Variants in GIT2 observed in about 807,000 individuals in gnomAD.
GIT2 encodes the protein GIT ArfGAP 2, also known as ARF GTPase-activating protein GIT2.
A neutral mutation model predicts 100.3 loss-of-function variants in GIT2; 32 were observed. That is an observed-to-expected ratio of 0.32 (90% confidence interval 0.24 to 0.43). The LOEUF (loss-of-function observed/expected upper bound fraction) is 0.43. GIT2 is among the 20% of genes least tolerant of loss of function. GIT2 has a pLI of 1.00. For missense variants in GIT2, 737 were observed against 975.1 expected (o/e 0.76, Z 3.25); for synonymous variants, 353 against 364.1 (o/e 0.97, Z 0.35).
intron 9 of GIT2, among the ~76,000 whole-genome samples, chr12:109,965,009 G>A (rs73419566): frequency 4.6e-5 from 7 of 152,126 alleles, no homozygotes; most frequent in African/African-American, 1.7e-4. Context: ...CTCTGAGCAC[G>A]CACATGGGCC....
Position 109,983,512 on chromosome 12 carries a change from C to T in GIT2, c.493-9G>A. On this transcript the variant is annotated splice_polypyrimidine_tract_variant and intron_variant, in intron 5 of 19. Transcript: ENST00000355312. ...GGGGTGTTTCCTTTTTCCTAAGAAT[C>T]ATTAATAAAAAGTAGGCAAAAGAGC... The T allele has an allele frequency of 6.2e-7, 1 of 1,612,900 alleles. No homozygotes were observed. The highest frequency in any genetic ancestry group is 8.5e-7 in the Non-Finnish European group (1 of 1,179,164).
chr12:109,983,488 G>A lies in GIT2; in HGVS notation c.508C>T (p.Pro170Ser). ...NFFHPEKGNT[P>S]LHVASKAGQI... ...CCTGCTTTGGAGGCAACATGGAGTG[G>A]GGTGTTTCCTTTTTCCTAAGAATCA... The change falls in exon 6 of 20, where the codon CCA (proline) becomes TCA (serine). Residue 170 changes from proline to serine, a missense_variant. By Grantham distance (74) the Pro-to-Ser change is moderately conservative. This residue lies in a region of GIT2 where 266 missense variants were observed against 376.2 expected (regional missense o/e 0.71). Transcript: ENST00000355312. 1 of 1,613,632 alleles carries A rather than the reference G, an allele frequency of 6.2e-7. No homozygotes were observed. The highest frequency in any genetic ancestry group is 1.3e-5 in the African/African-American group (1 of 74,998).
At chr12:109,984,039 A>C (rs370445373) in intron 4 of GIT2, among the ~76,000 whole-genome samples, 1 of 152,184 alleles carries the variant, frequency 6.6e-6, no homozygotes, top group African/African-American at 2.4e-5. Context: ...CCTGAATTTC[A>C]AACTATACCC....
At chr12:109,939,139 CT>C in intron 17 of GIT2, 25 bp downstream of exon 17, 1 of 1,494,304 alleles carries the variant, frequency 6.7e-7, no homozygotes, top group Non-Finnish European at 9.3e-7. Context: ...AGCCCCTCCC[CT>C]GGCACGCTCG....
At chr12:109,992,819 G>A (rs1888670507) in intron 1 of GIT2, among the ~76,000 whole-genome samples, 1 of 152,010 alleles carries the variant, frequency 6.6e-6, no homozygotes, top group East Asian at 1.9e-4. Flanking sequence ...TTACATGTGT[G>A]TGCCACCAGC....
Position 109,996,317 on chromosome 12 carries a change from C to A in GIT2, c.-93G>T. 8 of 870,616 alleles carry A rather than the reference C, an allele frequency of 9.2e-6. No homozygotes were observed. Among genetic ancestry groups the A allele is most frequent in the South Asian group, 5.1e-5 (3 of 59,002 alleles). The allele number at this position is 870,616 out of a possible 1,614,324, so 53.9% of individuals were successfully genotyped here. The stretch of plus-strand genomic sequence containing the variant: ...CTTCCGCTCTAACGGGTCCCAGCTG[C>A]GGCGGCGCTGACGGCGGCGCCTCTC... On this transcript the variant is annotated 5_prime_UTR_variant, in exon 1 of 20. Transcript: ENST00000355312.
At chr12:109,988,418 T>A (rs1258750189) in intron 4 of GIT2, among the ~76,000 whole-genome samples, 1 of 152,040 alleles carries the variant, frequency 6.6e-6, no homozygotes, top group East Asian at 1.9e-4. Flanking sequence ...GTAATGCGCC[T>A]GTAGTTCCAG....
At chr12:109,937,374 AGGCG>A (rs1873343339) in intron 18 of GIT2, among the ~76,000 whole-genome samples, 1 of 152,208 alleles carries the variant, frequency 6.6e-6, no homozygotes. Context: ...TGCTCGTGCA[AGGCG>A]TGAAGAAAGT....
Position 109,961,644 on chromosome 12 carries a change from G to A in GIT2, c.858C>T (p.Tyr286=), listed in dbSNP as rs112673836. The part of the protein sequence containing the change: ...HLFEELAMDV[Y]DEVDRRETDA... Reference sequence around the variant, plus strand: ...CCGTCTCTCGCCTGTCAACTTCATCGTACACATCCATGGCAAGTTCTTCAA... The same window carrying A: ...CCGTCTCTCGCCTGTCAACTTCATCATACACATCCATGGCAAGTTCTTCAA... The change falls in exon 10 of 20, where the codon TAC becomes TAT. Residue 286 remains tyrosine (Y), a synonymous_variant. Transcript: ENST00000355312. 68 of 1,607,084 alleles carry A rather than the reference G, an allele frequency of 4.2e-5. No individual in the cohort carries two copies. The highest frequency in any genetic ancestry group is 1.3e-4 in the Admixed American group (8 of 59,998).
In GIT2 at chr12:109,933,836, G is replaced by A; in HGVS notation, c.2067+186C>T. Reference sequence around the variant, plus strand: ...GGCTGGCCTCGAACTCCCGACCTCAGGTGATCTGCCTGTCTCGGCCTCCCA... The same window carrying A: ...GGCTGGCCTCGAACTCCCGACCTCAAGTGATCTGCCTGTCTCGGCCTCCCA... On this transcript the variant is annotated intron_variant, in intron 19 of 19. Coordinates refer to ENST00000355312, the MANE Select transcript of GIT2 (RefSeq NM_057169.5). The surrounding 1 kb of genome is among the most constrained non-coding windows in gnomAD (Gnocchi z 4.5). 1 of 571,640 alleles carries A rather than the reference G, an allele frequency of 1.7e-6. No individual in the cohort carries two copies. The highest frequency in any genetic ancestry group is 4.5e-4 in the Middle Eastern group (1 of 2,242). 35.4% of individuals were successfully genotyped at this position (571,640 alleles called of 1,614,324 possible). A position where few individuals can be genotyped will look rare whatever the true frequency, so the allele number is the denominator to read the frequency against.
Position 109,961,656 on chromosome 12 carries a change from G to T in GIT2, c.846C>A (p.Ala282=). ...TGTCAACTTCATCGTACACATCCATGGCAAGTTCTTCAAACAAATGATTAC... is the reference window on the plus strand; with the variant it reads ...TGTCAACTTCATCGTACACATCCATTGCAAGTTCTTCAAACAAATGATTAC... ...SLSNHLFEEL[A]MDVYDEVDRR... is the part of the protein sequence containing the mutation. The change falls in exon 10 of 20, where the codon GCC becomes GCA. Residue 282 remains alanine (A), a synonymous_variant. Transcript: ENST00000355312. The T allele has an allele frequency of 6.2e-7, 1 of 1,605,332 alleles. No individual in the cohort carries two copies. The highest frequency in any genetic ancestry group is 8.5e-7 in the Non-Finnish European group (1 of 1,172,356).
rs1205017455 is a variant in GIT2 at position 109,959,947 on chromosome 12, C to T, written c.999G>A (p.Lys333=). 5 of 1,609,754 alleles carry T rather than the reference C, an allele frequency of 3.1e-6. No individual in the cohort carries two copies. The Admixed American group carries it at 6.7e-5, about 21-fold the overall frequency. ...ACTCATGGGCGTTGAACCGAGCTAA[C>T]TTCTGTCTGCCCTAAAGGTGGGAAA... is the stretch of plus-strand genomic sequence containing the variant. The part of the protein sequence containing the change: ...YSSTRNQGRQ[K]LARFNAHEFA... Residue 333 remains lysine (K), a synonymous_variant, in exon 12 of 20, where the codon AAG becomes AAA. Coordinates refer to ENST00000355312, the MANE Select transcript of GIT2 (RefSeq NM_057169.5).
rs1768288827 is a variant in GIT2 at position 109,932,766 on chromosome 12, T to G, written c.*212A>C. The G allele has an allele frequency of 3.8e-6, 2 of 529,866 alleles. No homozygotes were observed. The highest frequency in any genetic ancestry group is 6.8e-6 in the Non-Finnish European group (2 of 294,634). 32.8% of individuals were successfully genotyped at this position (529,866 alleles called of 1,614,324 possible). On this transcript the variant is annotated 3_prime_UTR_variant, in exon 20 of 20. Transcript: ENST00000355312. ...GACAACACAACCGAACATCAGAAAC[T>G]AAACCAGCAAATAGGCACAAAATAA...
intron 7 of GIT2, among the ~76,000 whole-genome samples, chr12:109,969,339 T>C (rs1883285225): frequency 6.6e-6 from 1 of 151,788 alleles, no homozygotes; most frequent in Non-Finnish European, 1.5e-5. Flanking sequence ...GGCTAACTTT[T>C]TGTATTTAGT....
At position 109,972,471 on chromosome 12, in the gene GIT2, A is replaced by AT. The variant is rs879434945; in HGVS notation, c.719-4969dup. 5.8e-3 allele frequency among the ~76,000 whole-genome samples: 836 copies of AT among 143,738 alleles called. 4 individuals carry two copies. The highest frequency in any genetic ancestry group is 0.015 in the African/African-American group (607 of 39,360). The allele number at this position is 143,738 out of a possible 152,430, so 94.3% of individuals were successfully genotyped here. A position where few individuals can be genotyped will look rare whatever the true frequency, so the allele number is the denominator to read the frequency against. The stretch of plus-strand genomic sequence containing the variant: ...TTAACTTGATAGATTACATTAACTG[A>AT]TTTTTTTTTTTTTTTGAGACACAGT... On this transcript the variant is annotated intron_variant, in intron 7 of 19. Coordinates refer to ENST00000355312, the MANE Select transcript of GIT2 (RefSeq NM_057169.5).
intron 7 of GIT2, among the ~76,000 whole-genome samples, chr12:109,973,923 T>A (rs888624778): frequency 1.3e-5 from 2 of 151,674 alleles, no homozygotes; most frequent in African/African-American, 4.8e-5. Context: ...ATGCCTATAA[T>A]CCCAGTTCCT....
chr12:109,934,404 C>A lies in GIT2; in HGVS notation c.2004-319G>T. On this transcript the variant is annotated intron_variant, in intron 18 of 19. Coordinates refer to ENST00000355312, the MANE Select transcript of GIT2 (RefSeq NM_057169.5). This position sits in a 1 kb window ranked among gnomAD's most constrained non-coding sequence, Gnocchi z 4.5. ...GTCATTTACTTCTCATGTGTTTCAT[C>A]GTCCCAATTTCTAGAAAGAGAAAGG... Among the ~76,000 whole-genome samples, 1 of 152,178 alleles carries A rather than the reference C, an allele frequency of 6.6e-6. No individual in the cohort carries two copies. The highest frequency in any genetic ancestry group is 1.5e-5 in the Non-Finnish European group (1 of 68,030).
rs927191192 is a variant in GIT2 at position 109,933,399 on chromosome 12, T to C, written c.2068-209A>G. On this transcript the variant is annotated intron_variant, in intron 19 of 19. Transcript: ENST00000355312. The surrounding 1 kb of genome is among the most constrained non-coding windows in gnomAD (Gnocchi z 4.5). ...AAATATTCTGATTCAAAGGTCAAAGTGCATGCAGGGTAATTTTAGTAGTAT... is the reference window on the plus strand; with the variant it reads ...AAATATTCTGATTCAAAGGTCAAAGCGCATGCAGGGTAATTTTAGTAGTAT... 2 of 504,874 alleles carry C rather than the reference T, an allele frequency of 4.0e-6. No homozygotes were observed. Among genetic ancestry groups the C allele is most frequent in the Non-Finnish European group, 7.0e-6 (2 of 284,784 alleles). The allele number at this position is 504,874 out of a possible 1,614,324, so 31.3% of individuals were successfully genotyped here.
chr12:109,991,784 T>C, intron 1 of GIT2, 24 bp from the exon 2 acceptor site: 2 of 1,603,450 alleles, frequency 1.2e-6, no homozygotes, highest in Non-Finnish European at 1.7e-6. Context: ...GAAATCTCAG[T>C]GGCAGGGATA....
Sources: allele counts gnomAD v4.1 joint callset (sites outside exome capture counted in the v4.1 genomes callset), GRCh38; gene constraint gnomAD v4.1.1; regional missense constraint gnomAD v4.1.1; non-coding constraint Gnocchi (gnomAD v3.1); transcripts MANE v1.5; gene names NCBI Gene and HGNC (gene_info 2026-07-23, HGNC 2026-07-21).